USP25: variants seen among roughly 807,000 people sequenced by gnomAD.
The protein encoded by USP25 is ubiquitin carboxyl-terminal hydrolase 25.
USP25 carries 85 observed loss-of-function variants against 158.5 expected under a neutral mutation model. That is an observed-to-expected ratio of 0.54 (90% CI 0.45 to 0.64). The LOEUF (loss-of-function observed/expected upper bound fraction) is 0.64. USP25 is among the 30% of genes least tolerant of loss of function. The pLI is 0.00. For missense variants in USP25, 1,242 were observed against 1,327.3 expected (o/e 0.94, Z 1.00); for synonymous variants, 464 against 460.4 (o/e 1.01, Z -0.10).
At chr21:15,741,694 A>AT (rs1954295548) in intron 1 of USP25, among the ~76,000 whole-genome samples, 1 of 152,218 alleles carries the variant, frequency 6.6e-6, no homozygotes, top group Admixed American at 6.5e-5. Flanking sequence ...CACGATAGGA[A>AT]TCACAGTAGC....
intron 1 of USP25, among the ~76,000 whole-genome samples, chr21:15,755,626 G>A (rs1049545707): frequency 1.3e-5 from 2 of 152,160 alleles, no homozygotes; most frequent in Non-Finnish European, 2.9e-5. Context: ...GTGTGGGTAT[G>A]TCTGTATTAA....
At chr21:15,744,138 T>G (rs754557142) in intron 1 of USP25, 6 of 152,998 alleles carry the variant, frequency 3.9e-5, no homozygotes, top group Non-Finnish European at 8.8e-5. Context: ...GTGGTTTCTA[T>G]GGTGTAAAGT....
chr21:15,858,889 GAA>G (rs1269646863), intron 20 of USP25, among the ~76,000 whole-genome samples: 1 of 151,728 alleles, frequency 6.6e-6, no homozygotes, highest in African/African-American at 2.4e-5. Flanking sequence ...TTAAGATGCT[GAA>G]TAGATTTCTC....
rs1292437086 is a variant in USP25 at position 15,730,453 on chromosome 21, C to A, written c.45+15C>A. 2 of 1,354,308 alleles carry A rather than the reference C, an allele frequency of 1.5e-6. No individual in the cohort carries two copies. Among genetic ancestry groups the A allele is most frequent in the Non-Finnish European group, 9.6e-7 (1 of 1,044,554 alleles). 83.9% of individuals were successfully genotyped at this position (1,354,308 alleles called of 1,614,324 possible). A position where few individuals can be genotyped will look rare whatever the true frequency, so the allele number is the denominator to read the frequency against. On this transcript the variant is annotated intron_variant, in intron 1 of 25. Transcript: ENST00000400183. ...CGGCGCAGAAGGTGAGGCGAGTCCG[C>A]CAGCCGGCGGGCCCCACTTCTCCTT...
At position 15,818,832 on chromosome 21, in the gene USP25, A is replaced by G. The variant is rs934498442; in HGVS notation, c.1066A>G (p.Lys356Glu). ...GTCTTTACATTCAGAGAATTCAGGAAAATCAGGCCAAGAGGTGAGTTTAAC... is the reference window on the plus strand; with the variant it reads ...GTCTTTACATTCAGAGAATTCAGGAGAATCAGGCCAAGAGGTGAGTTTAAC... ...IESLHSENSG[K>E]SGQEHWFTEL... Residue 356 changes from lysine to glutamate, a missense_variant, in exon 10 of 26, where the codon AAA becomes GAA. Physicochemically the swap from Lys to Glu is moderately conservative, Grantham distance 56. Transcript: ENST00000400183. The G allele has an allele frequency of 2.5e-6, 4 of 1,613,726 alleles. No individual in the cohort carries two copies. Among genetic ancestry groups the G allele is most frequent in the Non-Finnish European group, 2.5e-6 (3 of 1,179,732 alleles).
chr21:15,766,201 TGTAATATA>T lies in USP25; in HGVS notation c.268+61_268+68del. 1 of 1,497,910 alleles carries T rather than the reference TGTAATATA, an allele frequency of 6.7e-7. No individual in the cohort carries two copies. 92.8% of individuals were successfully genotyped at this position (1,497,910 alleles called of 1,614,324 possible). On this transcript the variant is annotated intron_variant, in intron 3 of 25. Transcript: ENST00000400183. This position sits in a 1 kb window ranked among gnomAD's most constrained non-coding sequence, Gnocchi z 4.0. ...AAACATACTGAAAAACTTTTCTTGG[TGTAATATA>T]TTAATGTTGCTTAAGGAGAGGTAAA... is the stretch of plus-strand genomic sequence containing the variant.
chr21:15,746,785 C>T (rs996708188), intron 1 of USP25, among the ~76,000 whole-genome samples: 30 of 152,110 alleles, frequency 2.0e-4, no homozygotes, highest in Admixed American at 8.5e-4. Flanking sequence ...TGCGACTTTG[C>T]GAAATTCACT....
At chr21:15,809,651 G>T (rs561496108) in intron 8 of USP25, among the ~76,000 whole-genome samples, 1 of 152,248 alleles carries the variant, frequency 6.6e-6, no homozygotes, top group Admixed American at 6.5e-5. Context: ...GCTTCTTGGT[G>T]TATATCCAAA....
chr21:15,765,566 CT>C (rs1027030526), intron 2 of USP25, among the ~76,000 whole-genome samples: 7 of 152,096 alleles, frequency 4.6e-5, no homozygotes, highest in African/African-American at 1.7e-4. Context: ...AAGTTTGCCC[CT>C]AAGTATGTAT....
Position 15,874,444 on chromosome 21 carries a change from A to T in USP25, c.2927A>T (p.Asn976Ile). 6.2e-7 allele frequency: 1 copy of T among 1,611,010 alleles called. No homozygotes were observed. Among genetic ancestry groups the T allele is most frequent in the Non-Finnish European group, 8.5e-7 (1 of 1,178,240 alleles). The change falls in exon 24 of 26, where the codon AAT becomes ATT. Residue 976 changes from asparagine (N) to isoleucine (I), a missense_variant. Physicochemically the swap from Asn to Ile is moderately radical, Grantham distance 149. This residue lies in a region of USP25 where 608 missense variants were observed against 605.2 expected (regional missense o/e 1.00). Coordinates refer to ENST00000400183, the MANE Select transcript of USP25 (RefSeq NM_001283041.3). ...CTGTTCCTCATCTGTGCTTATCAGAATAACAAAGAACTCTTGTCTAAAGGC... is the reference window on the plus strand; with the variant it reads ...CTGTTCCTCATCTGTGCTTATCAGATTAACAAAGAACTCTTGTCTAAAGGC... ...SLLFLICAYQNNKELLSKGLY... is the reference protein window; with the variant it reads ...SLLFLICAYQINKELLSKGLY...
chr21:15,774,865 C>T (rs929335743), intron 3 of USP25, among the ~76,000 whole-genome samples: 1 of 152,174 alleles, frequency 6.6e-6, no homozygotes, highest in Non-Finnish European at 1.5e-5. Context: ...TGCTAAGATG[C>T]AGCAGTTTTA....
At chr21:15,853,561 A>T (rs749711361) in intron 20 of USP25, among the ~76,000 whole-genome samples, 2 of 152,164 alleles carry the variant, frequency 1.3e-5, no homozygotes, top group Non-Finnish European at 2.9e-5. Flanking sequence ...ATATTAAAAG[A>T]TCTACTCTTA....
At chr21:15,859,494 C>T (rs537760249) in intron 20 of USP25, among the ~76,000 whole-genome samples, 8 of 152,192 alleles carry the variant, frequency 5.3e-5, no homozygotes, top group African/African-American at 1.4e-4. Context: ...TGCGCCCGGC[C>T]GCTTTCTCTT....
At chr21:15,759,921 C>G (rs1023414183) in intron 1 of USP25, among the ~76,000 whole-genome samples, 1 of 152,122 alleles carries the variant, frequency 6.6e-6, no homozygotes, top group Non-Finnish European at 1.5e-5. Flanking sequence ...GTTTATTCAT[C>G]CATTTTGATA....
intron 9 of USP25, among the ~76,000 whole-genome samples, chr21:15,815,582 A>C (rs2036898096): frequency 6.6e-6 from 1 of 152,186 alleles, no homozygotes; most frequent in African/African-American, 2.4e-5. Context: ...GAGAGCTGGC[A>C]TCCAAGGAGA....
rs188671797 is a variant in USP25, at chr21:15,841,805, A to G, written c.2195-593A>G. Among the ~76,000 whole-genome samples the G allele has an allele frequency of 1.6e-3, 245 of 151,748 alleles. 2 individuals carry two copies. Among genetic ancestry groups the G allele is most frequent in the African/African-American group, 5.8e-3 (239 of 41,550 alleles). Reference sequence around the variant, plus strand: ...TAAGGATTTTGGGCTTGTCTCATCTAGGGAACACCCAGTGGATGTTCATTG... The same window carrying G: ...TAAGGATTTTGGGCTTGTCTCATCTGGGGAACACCCAGTGGATGTTCATTG... On this transcript the variant is annotated intron_variant, in intron 17 of 25. Transcript: ENST00000400183.
chr21:15,869,701 T>G (rs2039805976), intron 22 of USP25, among the ~76,000 whole-genome samples: 1 of 152,204 alleles, frequency 6.6e-6, no homozygotes, highest in African/African-American at 2.4e-5. Context: ...AGCGTAATAT[T>G]TCATTTTCTT....
intron 10 of USP25, among the ~76,000 whole-genome samples, chr21:15,823,143 A>G (rs1353042065): frequency 2.6e-5 from 4 of 152,204 alleles, no homozygotes; most frequent in East Asian, 1.9e-4. Context: ...CACACACAAT[A>G]GATTATGCAG....
rs1010986074 is a variant in USP25 at position 15,878,375 on chromosome 21, A to G, written c.3278A>G (p.His1093Arg). ...LDCSMEIKSF[H>R]EPPKLPSYST... ...TGTTCTATGGAGATTAAAAGTTTCC[A>G]TGAGCCACCGAAGTTACCTTCATAT... Residue 1093 changes from histidine to arginine, a missense_variant, in exon 26 of 26, where the codon CAT becomes CGT. Physicochemically the swap from His to Arg is conservative, Grantham distance 29 (BLOSUM62 0). Coordinates refer to ENST00000400183, the MANE Select transcript of USP25 (RefSeq NM_001283041.3). 7 of 1,614,102 alleles carry G rather than the reference A, an allele frequency of 4.3e-6. No homozygotes were observed. Among genetic ancestry groups the G allele is most frequent in the Middle Eastern group, 1.6e-4 (1 of 6,062 alleles).
Sources: gnomAD v4.1 joint callset for allele counts (sites outside exome capture counted in the v4.1 genomes callset) on GRCh38, gnomAD v4.1.1 for gene constraint, gnomAD v4.1.1 regional missense constraint, Gnocchi (gnomAD v3.1) non-coding constraint, MANE v1.5 for transcripts, NCBI Gene and HGNC (gene_info 2026-07-23, HGNC 2026-07-21) for gene names.